Variants in ADGRE2 observed in about 807,000 individuals in gnomAD.
The protein encoded by ADGRE2 is adhesion G protein-coupled receptor E2.
Under a neutral mutation model 100.8 loss-of-function variants are expected in ADGRE2, and 83 were observed. The observed-to-expected ratio is 0.82, with a 90% CI of 0.69 to 0.99. The LOEUF (loss-of-function observed/expected upper bound fraction) is 0.99, where lower values mean the gene tolerates loss of function less well. ADGRE2 is among the 50% of genes least tolerant of loss of function. The pLI is 0.00. For synonymous variants in ADGRE2, 355 were observed against 413.0 expected (o/e 0.86, Z 1.70); for missense variants, 814 against 1,035.7 (o/e 0.79, Z 2.94).
chr19:14,740,334 T>C (rs553978059), intron 20 of ADGRE2, among the ~76,000 whole-genome samples: 1 of 151,204 alleles, frequency 6.6e-6, no homozygotes, highest in Non-Finnish European at 1.5e-5. Context: ...ATGAAAAAGG[T>C]AATGAGGCCA....
At position 14,772,322 on chromosome 19, in the gene ADGRE2, G is replaced by A. The variant is rs758036459; in HGVS notation, c.355+20C>T. On this transcript the variant is annotated intron_variant, in intron 5 of 20. Coordinates refer to ENST00000315576, the MANE Select transcript of ADGRE2 (RefSeq NM_013447.4). ...AAACCTCATGGACAGTGGTGATGGA[G>A]GATGTGGGGTGGTTCTTACCTTGAC... 6.2e-7 allele frequency: 1 copy of A among 1,614,044 alleles called. No individual in the cohort carries two copies.
In ADGRE2 at chr19:14,776,707, G is replaced by A. The variant is rs1398047127; in HGVS notation, c.31+19C>T. On this transcript the variant is annotated intron_variant, in intron 2 of 20. Transcript: ENST00000315576. ...GAGCTTCCTCGCTACCACCCCCAGC[G>A]GGGCCCCAAAGTACTTACCGAGAAA... 6.2e-7 allele frequency: 1 copy of A among 1,610,812 alleles called. No homozygotes were observed. The highest frequency in any genetic ancestry group is 8.5e-7 in the Non-Finnish European group (1 of 1,178,640).
chr19:14,775,780 A>G (rs561821566), intron 2 of ADGRE2, among the ~76,000 whole-genome samples: 2 of 147,408 alleles, frequency 1.4e-5, no homozygotes, highest in Non-Finnish European at 3.0e-5. Context: ...AATCGCTTGA[A>G]CCCAGGAGGC....
chr19:14,753,787 CT>C (rs1429475870), intron 14 of ADGRE2, among the ~76,000 whole-genome samples: 6 of 115,464 alleles, frequency 5.2e-5, no homozygotes, highest in Non-Finnish European at 1.0e-4. Flanking sequence ...GAGACCCTGT[CT>C]AAAAAAAAAA....
chr19:14,764,113 A>C (rs372662803), intron 11 of ADGRE2, among the ~76,000 whole-genome samples: 32 of 151,746 alleles, frequency 2.1e-4, no homozygotes, highest in African/African-American at 7.5e-4. Flanking sequence ...ACCAGGCTGG[A>C]GTACAGTGAT....
chr19:14,759,505 T>TATATATA (rs60321111), intron 11 of ADGRE2, among the ~76,000 whole-genome samples: 121 of 61,410 alleles, frequency 2.0e-3, no homozygotes, highest in African/African-American at 7.0e-3. Context: ...ATATATATAT[T>TATATATA]TTTTTTTTTT....
intron 18 of ADGRE2, 126 bp from the exon 19 acceptor site, chr19:14,743,910 C>A: frequency 1.1e-6 from 1 of 898,682 alleles, no homozygotes; most frequent in Admixed American, 2.7e-5. Flanking sequence ...CTGTGGTCAG[C>A]TTAGATATTT....
At chr19:14,731,117 A>G (rs999997087), downstream of ADGRE2, 6 of 1,395,216 alleles carry the variant, frequency 4.3e-6, no homozygotes, top group Non-Finnish European at 4.9e-6. Flanking sequence ...TGGCCCCTTT[A>G]TTCATTCAAT....
At chr19:14,732,313 C>T (rs1245221859), downstream of ADGRE2, 1 of 151,826 alleles carries the variant, frequency 6.6e-6, no homozygotes, top group Non-Finnish European at 1.5e-5. Flanking sequence ...AAAGTATGTA[C>T]ATTAAAAAAA....
intron 11 of ADGRE2, among the ~76,000 whole-genome samples, chr19:14,760,230 A>G (rs936190557): frequency 2.6e-5 from 4 of 152,222 alleles, no homozygotes; most frequent in Admixed American, 6.5e-5. Flanking sequence ...CATACAAATG[A>G]TAAGTACTCA....
chr19:14,759,505 T>TATATATATATATATATATATATA (rs60321111), intron 11 of ADGRE2, among the ~76,000 whole-genome samples: 3 of 61,412 alleles, frequency 4.9e-5, no homozygotes, highest in African/African-American at 1.8e-4. Flanking sequence ...ATATATATAT[T>TATATATATATATATATATATATA]TTTTTTTTTT....
rs2043633934 is a variant in ADGRE2, at chr19:14,759,510, T to TTTTC, written c.1085-3166_1085-3165insGAAA. 2.0e-5 allele frequency among the ~76,000 whole-genome samples: 3 copies of TTTTC among 148,960 alleles called. No individual in the cohort carries two copies. In the South Asian group the frequency reaches 6.3e-4, roughly 31 times the overall value. On this transcript the variant is annotated intron_variant, in intron 11 of 20. Coordinates refer to ENST00000315576, the MANE Select transcript of ADGRE2 (RefSeq NM_013447.4). ...ATACATATATATATATATATTTTTT[T>TTTTC]TTTTTAGACGGAGTCTCACTCTGTC...
intron 20 of ADGRE2, among the ~76,000 whole-genome samples, chr19:14,737,041 CTA>C (rs143952528): frequency 0.22 from 33,362 of 149,486 alleles, 3,914 homozygotes; most frequent in Non-Finnish European, 0.26. Context: ...AAATAAGTAA[CTA>C]TGTGAGATGA....
intron 20 of ADGRE2, chr19:14,742,202 G>A (rs997756388): frequency 3.8e-5 from 15 of 397,056 alleles, no homozygotes; most frequent in South Asian, 2.7e-4. Context: ...GTTGCCCAGT[G>A]TGTTTTTAAA....
intron 13 of ADGRE2, 56 bp downstream of exon 13, chr19:14,755,598 A>G (rs2043470487): frequency 2.0e-6 from 3 of 1,494,288 alleles, no homozygotes; most frequent in Non-Finnish European, 2.8e-6. Context: ...GCTGAGCAGC[A>G]AGGCTATGCC....
At chr19:14,763,817 TTCCTCCTCTCCTCCTCCTTCTCTCC>T (rs2043839001) in intron 11 of ADGRE2, among the ~76,000 whole-genome samples, 2 of 31,826 alleles carry the variant, frequency 6.3e-5, no homozygotes, top group Admixed American at 2.9e-4. Flanking sequence ...ATTCCTCCTC[TTCCTCCTCTCCTCCTCCTTCTCTCC>T]TCCTCCTCTC....
At chr19:14,758,655 C>G (rs550719513) in intron 11 of ADGRE2, among the ~76,000 whole-genome samples, 1 of 152,004 alleles carries the variant, frequency 6.6e-6, no homozygotes, top group South Asian at 2.1e-4. Context: ...GAGGCTGAGG[C>G]GGGAGGATCA....
intron 20 of ADGRE2, among the ~76,000 whole-genome samples, chr19:14,736,563 A>AAT (rs35779329): frequency 0.45 from 66,544 of 147,884 alleles, 15,301 homozygotes; most frequent in South Asian, 0.6. Flanking sequence ...GCTGGCCTGA[A>AAT]ATATATATAT....
chr19:14,766,185 GTGATC>G (rs781692078), intron 7 of ADGRE2, 45 bp downstream of exon 7: 1 of 1,613,526 alleles, frequency 6.2e-7, no homozygotes, highest in Non-Finnish European at 8.5e-7. Flanking sequence ...CGTTGAACAT[GTGATC>G]AGATGTTTGT....
Sources: gnomAD v4.1 joint callset for allele counts (sites outside exome capture counted in the v4.1 genomes callset) on GRCh38, gnomAD v4.1.1 for gene constraint, MANE v1.5 for transcripts, NCBI Gene and HGNC (gene_info 2026-07-23, HGNC 2026-07-21) for gene names.